The following BACH2 variants were observed in gnomAD, a reference collection of about 807,000 sequenced individuals.
The protein encoded by BACH2 is BACH transcriptional regulator 2, also known as transcription regulator protein BACH2.
A neutral mutation model predicts 61.8 loss-of-function variants in BACH2; 5 were observed. The ratio of observed to expected loss-of-function variants is 0.08; its 90% CI spans 0.04 to 0.17. The LOEUF is 0.17. BACH2 is among the 10% of genes least tolerant of loss of function. The pLI, the probability that BACH2 is intolerant of heterozygous loss-of-function variation, is 1.00. For synonymous variants in BACH2, 446 were observed against 440.1 expected (o/e 1.01, Z -0.17); for missense variants, 824 against 1,091.1 (o/e 0.76, Z 3.45).
chr6:90,287,750 T>C (rs1167497368), intron 1 of BACH2, among the ~76,000 whole-genome samples: 1 of 152,260 alleles, frequency 6.6e-6, no homozygotes, highest in Non-Finnish European at 1.5e-5. Flanking sequence ...TGCGAAATTC[T>C]ATTGTTTTTA....
At chr6:90,147,811 T>C (rs963412059) in intron 4 of BACH2, among the ~76,000 whole-genome samples, 1 of 152,146 alleles carries the variant, frequency 6.6e-6, no homozygotes, top group African/African-American at 2.4e-5. Context: ...AATAAATAAT[T>C]TGGGTCTGTA....
intron 4 of BACH2, among the ~76,000 whole-genome samples, chr6:90,172,049 T>C (rs558506298): frequency 6.6e-6 from 1 of 152,306 alleles, no homozygotes; most frequent in East Asian, 1.9e-4. Flanking sequence ...GGCTCACGCC[T>C]GTAATTCCAG....
intron 5 of BACH2, among the ~76,000 whole-genome samples, chr6:90,086,578 C>T (rs145297938): frequency 2.0e-5 from 3 of 152,242 alleles, no homozygotes; most frequent in East Asian, 1.9e-4. Context: ...GGTGACTGAA[C>T]GCTCGTCCAA....
At chr6:90,095,493 C>G (rs1782345253) in intron 4 of BACH2, among the ~76,000 whole-genome samples, 1 of 152,136 alleles carries the variant, frequency 6.6e-6, no homozygotes, top group South Asian at 2.1e-4. Context: ...TTCTGGGACT[C>G]TAGCTGAAGA....
At chr6:90,209,440 T>C (rs976803288) in intron 3 of BACH2, among the ~76,000 whole-genome samples, 3 of 152,240 alleles carry the variant, frequency 2.0e-5, no homozygotes, top group East Asian at 1.9e-4. Context: ...TCCAGAAGCA[T>C]GTGCTAATAA....
intron 4 of BACH2, among the ~76,000 whole-genome samples, chr6:90,175,802 A>G (rs1299057253): frequency 2.6e-5 from 4 of 152,140 alleles, no homozygotes; most frequent in Non-Finnish European, 4.4e-5. Context: ...GGCTGGTAGC[A>G]TGCCTTTGAC....
chr6:89,933,585 G>A (rs892916326), intron 8 of BACH2, among the ~76,000 whole-genome samples: 1 of 152,040 alleles, frequency 6.6e-6, no homozygotes, highest in African/African-American at 2.4e-5. Context: ...GTACCACTTT[G>A]TGGGGGATGC....
chr6:90,012,731 T>C (rs995509704), intron 5 of BACH2, among the ~76,000 whole-genome samples: 4 of 151,958 alleles, frequency 2.6e-5, no homozygotes, highest in African/African-American at 9.7e-5. Context: ...AGTGGTGCGA[T>C]CTTGGCTCAC....
At chr6:90,231,985 C>CAGAGAG (rs542457957) in intron 3 of BACH2, among the ~76,000 whole-genome samples, 99 of 149,356 alleles carry the variant, frequency 6.6e-4, no homozygotes, top group Non-Finnish European at 1.2e-3. Flanking sequence ...GAGAGAGAGA[C>CAGAGAG]AGAGAGAGAG....
At position 90,031,459 on chromosome 6, in the gene BACH2, C is replaced by T. The variant is rs1408487568; in HGVS notation, c.-12-22603G>A. ...TGATTGTATATCTAGAAAACCCCAT[C>T]TTCTCAGCCCAAAATCTCCTTAAGC... On this transcript the variant is annotated intron_variant, in intron 5 of 8. Transcript: ENST00000257749. Among the ~76,000 whole-genome samples the T allele has an allele frequency of 3.3e-5, 5 of 152,190 alleles. No individual in the cohort carries two copies. The East Asian group carries it at 9.6e-4, about 29-fold the overall frequency.
At chr6:90,078,499 GA>G (rs1204303640) in intron 5 of BACH2, among the ~76,000 whole-genome samples, 8 of 152,126 alleles carry the variant, frequency 5.3e-5, no homozygotes, top group Admixed American at 1.3e-4. Context: ...GTATTCTTCT[GA>G]AACACTGAAC....
At position 89,929,221 on chromosome 6, in the gene BACH2, C is replaced by G. The variant is rs961149469; in HGVS notation, c.*3187G>C. ...TCTCTTATTTTTGTAAGAAAAGAGC[C>G]TTAAGAACAACCAAATGTTACTGTA... On this transcript the variant is annotated 3_prime_UTR_variant, in exon 9 of 9. Transcript: ENST00000257749. 8 of 152,286 alleles carry G rather than the reference C, an allele frequency of 5.3e-5. No homozygotes were observed. Among genetic ancestry groups the G allele is most frequent in the Admixed American group, 3.9e-4 (6 of 15,280 alleles). The allele number at this position is 152,286 out of a possible 1,614,324, so 9.4% of individuals were successfully genotyped here. A position where few individuals can be genotyped will look rare whatever the true frequency, so the allele number is the denominator to read the frequency against.
intron 4 of BACH2, among the ~76,000 whole-genome samples, chr6:90,089,692 C>A (rs1323832311): frequency 6.6e-6 from 1 of 152,116 alleles, no homozygotes; most frequent in Non-Finnish European, 1.5e-5. Context: ...GTAACCTTGA[C>A]ACCGATAAAT....
chr6:89,933,004 A>T, intron 8 of BACH2, 114 bp from the exon 9 acceptor site: 2 of 1,191,646 alleles, frequency 1.7e-6, no homozygotes, highest in South Asian at 3.5e-5. Context: ...ATGTAACTCA[A>T]GAATGACTAG....
chr6:90,235,382 A>G (rs1038462187), intron 3 of BACH2, among the ~76,000 whole-genome samples: 2 of 152,258 alleles, frequency 1.3e-5, no homozygotes, highest in African/African-American at 4.8e-5. Flanking sequence ...AGGGTTGTGA[A>G]GATTATGTCA....
chr6:90,187,106 A>G (rs9444745), intron 4 of BACH2, among the ~76,000 whole-genome samples: 5,415 of 152,320 alleles, frequency 0.036, 314 homozygotes, highest in African/African-American at 0.12. Context: ...CCTGAGGGAA[A>G]CTAAGAACAT....
chr6:90,120,222 A>G (rs1353978455), intron 4 of BACH2, among the ~76,000 whole-genome samples: 2 of 152,194 alleles, frequency 1.3e-5, no homozygotes, highest in Admixed American at 1.3e-4. Context: ...GTTTAAATCA[A>G]ACATCATAGG....
chr6:89,940,303 C>G (rs1167179710), intron 7 of BACH2, among the ~76,000 whole-genome samples: 1 of 152,170 alleles, frequency 6.6e-6, no homozygotes, highest in Non-Finnish European at 1.5e-5. Flanking sequence ...AACCATGGTG[C>G]CTGGCCTGAA....
intron 1 of BACH2, among the ~76,000 whole-genome samples, chr6:90,277,368 CGAGT>C: frequency 6.6e-6 from 1 of 152,238 alleles, no homozygotes; most frequent in African/African-American, 2.4e-5. Context: ...TGCATATTAT[CGAGT>C]GAAAGAAGTT....
Sources: gnomAD v4.1 joint callset for allele counts (sites outside exome capture counted in the v4.1 genomes callset) on GRCh38, gnomAD v4.1.1 for gene constraint, MANE v1.5 for transcripts, NCBI Gene and HGNC (gene_info 2026-07-23, HGNC 2026-07-21) for gene names.